Variants in CCAR1 observed in about 807,000 individuals in gnomAD.
CCAR1 encodes the protein cell division cycle and apoptosis regulator protein 1.
A neutral mutation model predicts 163.8 loss-of-function variants in CCAR1; 78 were observed. The ratio of observed to expected loss-of-function variants is 0.48; its 90% CI spans 0.40 to 0.57. The LOEUF (loss-of-function observed/expected upper bound fraction) is 0.57. CCAR1 is among the 20% of genes least tolerant of loss of function. The pLI is 0.00. For synonymous variants in CCAR1, 443 were observed against 460.7 expected (o/e 0.96, Z 0.49); for missense variants, 1,019 against 1,365.2 (o/e 0.75, Z 4.00).
chr10:68,790,049 A>C, intron 24 of CCAR1, 134 bp downstream of exon 24: 1 of 572,446 alleles, frequency 1.7e-6, no homozygotes, highest in Non-Finnish European at 2.9e-6. Flanking sequence ...GACCTTCCTG[A>C]GATTAGTAAA....
At chr10:68,785,181 T>G (rs1056276017) in intron 19 of CCAR1, among the ~76,000 whole-genome samples, 5 of 151,858 alleles carry the variant, frequency 3.3e-5, no homozygotes, top group Admixed American at 2.6e-4. Flanking sequence ...CCTCCCAAAG[T>G]GCTGGGATTA....
At chr10:68,739,743 A>G (rs1164651488) in intron 4 of CCAR1, among the ~76,000 whole-genome samples, 4 of 152,190 alleles carry the variant, frequency 2.6e-5, no homozygotes, top group Admixed American at 1.3e-4. Flanking sequence ...AAAAATTGCA[A>G]TACTCATTCT....
chr10:68,740,998 C>G (rs1029224672), intron 5 of CCAR1, among the ~76,000 whole-genome samples: 1 of 151,894 alleles, frequency 6.6e-6, no homozygotes, highest in East Asian at 1.9e-4. Context: ...ACTGCAATCT[C>G]TGCCTCCTGG....
chr10:68,739,777 A>C (rs2056159237), intron 4 of CCAR1, among the ~76,000 whole-genome samples: 1 of 152,184 alleles, frequency 6.6e-6, no homozygotes, highest in Non-Finnish European at 1.5e-5. Flanking sequence ...GGCACTACTC[A>C]ACTGTTCTTA....
At chr10:68,742,655 A>G (rs2056197501) in intron 6 of CCAR1, 86 bp downstream of exon 6, 3 of 1,091,012 alleles carry the variant, frequency 2.7e-6, no homozygotes, top group East Asian at 4.7e-5. Flanking sequence ...TATGTAGCCC[A>G]GGCTGGACAC....
chr10:68,755,409 A>G lies in CCAR1; in HGVS notation c.1498A>G (p.Ile500Val), dbSNP rs2133364297. 6.2e-7 allele frequency: 1 copy of G among 1,613,960 alleles called. No homozygotes were observed. Among genetic ancestry groups the G allele is most frequent in the Non-Finnish European group, 8.5e-7 (1 of 1,179,868 alleles). The change falls in exon 13 of 25, where the codon ATT (isoleucine) becomes GTT (valine). Residue 500 changes from isoleucine to valine, a missense_variant. Ile to Val is a conservative substitution (Grantham distance 29). Transcript: ENST00000265872. ...GAAAGGCAAGGATGAAGCTATGGCCATTGGAGGCCACTGGTCTCCTTCGTT... is the reference window on the plus strand; with the variant it reads ...GAAAGGCAAGGATGAAGCTATGGCCGTTGGAGGCCACTGGTCTCCTTCGTT... The part of the protein sequence containing the change: ...GMKGKDEAMA[I>V]GGHWSPSLDG...
rs545512417 is a variant in CCAR1 at position 68,756,795 on chromosome 10, A to C, written c.1836+312A>C. Among the ~76,000 whole-genome samples the C allele has an allele frequency of 6.6e-6, 1 of 152,330 alleles. No homozygotes were observed. The highest frequency in any genetic ancestry group is 6.5e-5 in the Admixed American group (1 of 15,292). On this transcript the variant is annotated intron_variant, in intron 14 of 24. Coordinates refer to ENST00000265872, the MANE Select transcript of CCAR1 (RefSeq NM_018237.4). This position sits in a 1 kb window ranked among gnomAD's most constrained non-coding sequence, Gnocchi z 5.1. ...AGTTGTTGAACAAGATTCAGTATTA[A>C]GCCATTTTAAACATTTTGCCATTTT... is the stretch of plus-strand genomic sequence containing the variant.
Position 68,753,921 on chromosome 10 carries a change from T to C in CCAR1, c.1188T>C (p.Asp396=). The C allele has an allele frequency of 6.2e-7, 1 of 1,614,096 alleles. No individual in the cohort carries two copies. Among genetic ancestry groups the C allele is most frequent in the Non-Finnish European group, 8.5e-7 (1 of 1,179,970 alleles). Residue 396 remains aspartate, a synonymous_variant, in exon 11 of 25, where the codon GAT becomes GAC. Transcript: ENST00000265872. ...TGTATATACCTAGTGACTTTTTTGA[T>C]GCTCAATTTACATGGGTGGATGCTT... The part of the protein sequence containing the change: ...QNLYIPSDFF[D]AQFTWVDAFP...
intron 10 of CCAR1, among the ~76,000 whole-genome samples, chr10:68,751,956 G>T (rs568578123): frequency 1.5e-5 from 2 of 137,906 alleles, no homozygotes; most frequent in Non-Finnish European, 3.1e-5. Flanking sequence ...TTGCTCTGTC[G>T]CCCAGGCTGG....
At position 68,749,609 on chromosome 10, in the gene CCAR1, C is replaced by A. The variant is rs752836010; in HGVS notation, c.1042C>A (p.Arg348=). 1.2e-6 allele frequency: 2 copies of A among 1,613,736 alleles called. No individual in the cohort carries two copies. The highest frequency in any genetic ancestry group is 2.2e-5 in the East Asian group (1 of 44,890). Residue 348 remains arginine (R), a synonymous_variant, in exon 10 of 25, where the codon CGA becomes AGA. Transcript: ENST00000265872. ...CCGGGAAAGATCTCCACGAAGAGAG[C>A]GAGAGCGATCACCTCGGAGAGTTCG... is the stretch of plus-strand genomic sequence containing the variant. ...RSRERSPRRE[R]ERSPRRVRRV...
intron 4 of CCAR1, among the ~76,000 whole-genome samples, chr10:68,739,041 C>T (rs2056149802): frequency 6.6e-6 from 1 of 152,180 alleles, no homozygotes; most frequent in Non-Finnish European, 1.5e-5. Flanking sequence ...AAGCAAGTTT[C>T]ATTGGACCCT....
intron 8 of CCAR1, among the ~76,000 whole-genome samples, chr10:68,748,361 T>C (rs1438793925): frequency 1.3e-5 from 2 of 151,036 alleles, no homozygotes; most frequent in East Asian, 2.0e-4. Context: ...GATCACGCCA[T>C]CGCACTTCAG....
At chr10:68,770,828 A>G (rs1167947315) in intron 17 of CCAR1, among the ~76,000 whole-genome samples, 3 of 152,244 alleles carry the variant, frequency 2.0e-5, no homozygotes, top group African/African-American at 7.2e-5. Flanking sequence ...CTGTAATCCC[A>G]GCACTTTGGG....
At chr10:68,787,774 G>C in intron 21 of CCAR1, 153 bp from the exon 22 acceptor site, 1 of 598,116 alleles carries the variant, frequency 1.7e-6, no homozygotes. Flanking sequence ...AGTGGAGGTT[G>C]TAGTGAGTCG....
chr10:68,792,191 T>C lies in CCAR1; in HGVS notation c.*925T>C, dbSNP rs2056857834. On this transcript the variant is annotated 3_prime_UTR_variant, in exon 25 of 25. Transcript: ENST00000265872. The stretch of plus-strand genomic sequence containing the variant: ...CTTTACATAATATTAGTTGTCCTGA[T>C]GTCAATGTTACTGCTTTCAATTAAT... 6.6e-6 allele frequency: 1 copy of C among 152,166 alleles called. No homozygotes were observed. 9.4% of individuals were successfully genotyped at this position (152,166 alleles called of 1,614,324 possible). A position where few individuals can be genotyped will look rare whatever the true frequency, so the allele number is the denominator to read the frequency against.
At chr10:68,726,418 T>G (rs1010669042) in intron 2 of CCAR1, among the ~76,000 whole-genome samples, 1 of 152,080 alleles carries the variant, frequency 6.6e-6, no homozygotes, top group Admixed American at 6.5e-5. Context: ...CCCAAAGTGC[T>G]GGGATTACAG....
At chr10:68,731,945 G>T (rs1384866264) in intron 2 of CCAR1, among the ~76,000 whole-genome samples, 1 of 152,194 alleles carries the variant, frequency 6.6e-6, no homozygotes, top group Admixed American at 6.6e-5. Context: ...GAAAAGAGAA[G>T]TGTGGGTATT....
chr10:68,741,658 T>G (rs1430021759), intron 5 of CCAR1, among the ~76,000 whole-genome samples: 2 of 152,204 alleles, frequency 1.3e-5, no homozygotes, highest in East Asian at 3.8e-4. Context: ...AGGTACAGTC[T>G]AGTATGTATT....
chr10:68,729,516 G>A (rs2056003179), intron 2 of CCAR1, among the ~76,000 whole-genome samples: 1 of 151,628 alleles, frequency 6.6e-6, no homozygotes, highest in African/African-American at 2.4e-5. Context: ...TGATCCACCC[G>A]CCTCGGCCTC....
Sources: gnomAD v4.1 joint callset for allele counts (sites outside exome capture counted in the v4.1 genomes callset) on GRCh38, gnomAD v4.1.1 for gene constraint, Gnocchi (gnomAD v3.1) non-coding constraint, MANE v1.5 for transcripts, NCBI Gene and HGNC (gene_info 2026-07-23, HGNC 2026-07-21) for gene names.